The following FAM107B variants were observed in gnomAD, a reference collection of about 807,000 sequenced individuals.
FAM107B encodes the protein protein FAM107B.
A neutral mutation model predicts 31.5 loss-of-function variants in FAM107B; 21 were observed. The observed-to-expected ratio is 0.67, with a 90% CI of 0.47 to 0.96. The LOEUF (loss-of-function observed/expected upper bound fraction) is 0.96. FAM107B is among the 40% of genes least tolerant of loss of function. The pLI, the probability that FAM107B is intolerant of heterozygous loss-of-function variation, is 0.00. For missense variants in FAM107B, 452 were observed against 377.1 expected, an observed-to-expected ratio of 1.20 and a Z score of -1.64; for synonymous variants, 157 against 141.5, an observed-to-expected ratio of 1.11 and a Z score of -0.78.
chr10:14,548,542 C>A (rs1019301023), intron 2 of FAM107B: 4 of 985,518 alleles, frequency 4.1e-6, no homozygotes, highest in Non-Finnish European at 4.8e-6. Flanking sequence ...CAGGAGGAAC[C>A]TGGGCTCTTC....
At chr10:14,687,986 G>A (rs1422795334) in intron 1 of FAM107B, among the ~76,000 whole-genome samples, 1 of 152,230 alleles carries the variant, frequency 6.6e-6, no homozygotes, top group African/African-American at 2.4e-5. Flanking sequence ...TGCCAAAGGA[G>A]ATTAACATTT....
intron 2 of FAM107B, among the ~76,000 whole-genome samples, chr10:14,586,463 G>A (rs889584198): frequency 4.6e-5 from 7 of 152,048 alleles, no homozygotes; most frequent in African/African-American, 1.7e-4. Context: ...TAATCCCAAC[G>A]TGATGATATT....
intron 2 of FAM107B, among the ~76,000 whole-genome samples, chr10:14,559,496 A>G (rs530847760): frequency 6.6e-6 from 1 of 151,688 alleles, no homozygotes; most frequent in African/African-American, 2.4e-5. Context: ...GAGGCAACTG[A>G]AAAGGGTCCC....
At chr10:14,730,488 T>C (rs1258762382) in intron 1 of FAM107B, among the ~76,000 whole-genome samples, 2 of 152,006 alleles carry the variant, frequency 1.3e-5, no homozygotes, top group African/African-American at 2.4e-5. Context: ...GGAGGGAAGG[T>C]AGAGAATATG....
intron 1 of FAM107B, among the ~76,000 whole-genome samples, chr10:14,767,101 CAGAGAGAGAGAGAGAG>C (rs1293912707): frequency 3.6e-5 from 2 of 55,006 alleles, no homozygotes; most frequent in African/African-American, 1.4e-4. Context: ...GAGAGAGAGA[CAGAGAGAGAGAGAGAG>C]AGAGTTTCCC....
intron 1 of FAM107B, among the ~76,000 whole-genome samples, chr10:14,709,170 A>G (rs774721960): frequency 6.6e-6 from 1 of 152,200 alleles, no homozygotes; most frequent in Non-Finnish European, 1.5e-5. Flanking sequence ...CTCTTACCAT[A>G]TGATTCGCAA....
At chr10:14,684,594 G>T (rs945681322) in intron 1 of FAM107B, among the ~76,000 whole-genome samples, 1 of 152,242 alleles carries the variant, frequency 6.6e-6, no homozygotes, top group Admixed American at 6.5e-5. Context: ...ATTTCAGAGG[G>T]ACACAAACAT....
Position 14,521,856 on chromosome 10 carries a change from C to A in FAM107B, c.804+13G>T. On this transcript the variant is annotated intron_variant, in intron 4 of 4. Transcript: ENST00000181796. ...AAAACAAAAAAAGACAGCTTCCAGC[C>A]AATCCCCCTTACCTGCTCCAACTTC... 6.2e-7 allele frequency: 1 copy of A among 1,608,178 alleles called. No homozygotes were observed. The highest frequency in any genetic ancestry group is 8.5e-7 in the Non-Finnish European group (1 of 1,178,504).
intron 2 of FAM107B, among the ~76,000 whole-genome samples, chr10:14,567,178 A>G (rs1850744780): frequency 6.6e-6 from 1 of 152,194 alleles, no homozygotes; most frequent in African/African-American, 2.4e-5. Context: ...ATAAATAAAA[A>G]TAAATAAATT....
intron 2 of FAM107B, among the ~76,000 whole-genome samples, chr10:14,627,925 T>G (rs1474096122): frequency 6.6e-6 from 1 of 151,580 alleles, no homozygotes; most frequent in African/African-American, 2.4e-5. Context: ...TAATTGAGAG[T>G]AACTACGAAG....
intron 2 of FAM107B, among the ~76,000 whole-genome samples, chr10:14,617,885 A>G (rs774754838): frequency 5.9e-5 from 9 of 151,902 alleles, no homozygotes; most frequent in Non-Finnish European, 1.3e-4. Context: ...TGAAGCTGGG[A>G]GGTGGGGTTT....
chr10:14,624,571 G>A (rs1032470496), intron 2 of FAM107B, among the ~76,000 whole-genome samples: 1 of 151,980 alleles, frequency 6.6e-6, no homozygotes, highest in Non-Finnish European at 1.5e-5. Context: ...AGGAGTTTGA[G>A]GTTGCAATAT....
intron 1 of FAM107B, among the ~76,000 whole-genome samples, chr10:14,767,024 G>GTGTATATATATATATA (rs1219301209): frequency 6.2e-5 from 1 of 16,234 alleles, no homozygotes; most frequent in Non-Finnish European, 2.3e-4. Context: ...TGATGTGTAT[G>GTGTATATATATATATA]TATATATATA....
chr10:14,770,424 G>A (rs1461152422), intron 1 of FAM107B, among the ~76,000 whole-genome samples: 2 of 152,152 alleles, frequency 1.3e-5, no homozygotes, highest in African/African-American at 4.8e-5. Flanking sequence ...TTGGGATGCT[G>A]AGGCAGGAGA....
chr10:14,740,049 G>C (rs1282512212), intron 1 of FAM107B, among the ~76,000 whole-genome samples: 1 of 152,234 alleles, frequency 6.6e-6, no homozygotes, highest in Admixed American at 6.5e-5. Flanking sequence ...TACTTTGAAA[G>C]ACAGTGTGGC....
intron 2 of FAM107B, among the ~76,000 whole-genome samples, chr10:14,634,119 A>G (rs1361508262): frequency 2.0e-5 from 3 of 152,210 alleles, no homozygotes. Context: ...ATTTCAGGCC[A>G]GGCGCTGTGG....
intron 2 of FAM107B, among the ~76,000 whole-genome samples, chr10:14,665,547 T>A (rs1346366599): frequency 6.6e-6 from 1 of 152,222 alleles, no homozygotes; most frequent in Admixed American, 6.5e-5. Flanking sequence ...AGCCTTTGAG[T>A]TGGCTGAATT....
chr10:14,720,169 C>G (rs1253379611), intron 1 of FAM107B, among the ~76,000 whole-genome samples: 1 of 152,228 alleles, frequency 6.6e-6, no homozygotes, highest in East Asian at 1.9e-4. Flanking sequence ...TCATAGTTAT[C>G]AAGTAGGTAG....
At chr10:14,752,233 G>C (rs779022225) in intron 1 of FAM107B, among the ~76,000 whole-genome samples, 2 of 152,160 alleles carry the variant, frequency 1.3e-5, no homozygotes, top group Non-Finnish European at 2.9e-5. Context: ...TGGAAAAAGG[G>C]ACTCAACCAA....
Sources: allele counts gnomAD v4.1 joint callset (sites outside exome capture counted in the v4.1 genomes callset), GRCh38; gene constraint gnomAD v4.1.1; transcripts MANE v1.5; gene names NCBI Gene and HGNC (gene_info 2026-07-23, HGNC 2026-07-21).